Variants in NAV2 observed in about 807,000 individuals in gnomAD.
NAV2 encodes helicase, APC down-regulated 1.
In NAV2, 54 loss-of-function variants were observed where a neutral mutation model predicts 223.2. The observed-to-expected ratio is 0.24, with a 90% CI of 0.19 to 0.30. The LOEUF is 0.30. NAV2 is among the 10% of genes least tolerant of loss of function. The pLI, the probability that NAV2 is intolerant of heterozygous loss-of-function variation, is 1.00. For synonymous variants in NAV2, 1,279 were observed against 1,239.3 expected (o/e 1.03, Z -0.67); for missense variants, 2,806 against 3,147.5 (o/e 0.89, Z 2.60).
At chr11:19,622,895 G>C (rs925067040) in intron 1 of NAV2, among the ~76,000 whole-genome samples, 8 of 152,160 alleles carry the variant, frequency 5.3e-5, no homozygotes, top group Admixed American at 1.3e-4. Context: ...TTTTGCAGTG[G>C]TGGGTACCGG....
At chr11:20,082,471 G>A in intron 25 of NAV2, 2 of 940,862 alleles carry the variant, frequency 2.1e-6, no homozygotes, top group Admixed American at 1.7e-5. Flanking sequence ...TGTGTGTGGT[G>A]TTTATTATTA....
chr11:19,357,777 C>G (rs960899845), intron 1 of NAV2, among the ~76,000 whole-genome samples: 1 of 152,186 alleles, frequency 6.6e-6, no homozygotes, highest in African/African-American at 2.4e-5. Flanking sequence ...CTTTATGTAG[C>G]AATCCTGTAA....
At chr11:19,535,203 A>G (rs2044148939) in intron 1 of NAV2, among the ~76,000 whole-genome samples, 1 of 152,210 alleles carries the variant, frequency 6.6e-6, no homozygotes, top group African/African-American at 2.4e-5. Context: ...CAGGGAAAAC[A>G]GGAAGCTGCT....
At chr11:19,733,363 G>A (rs1438615354) in intron 1 of NAV2, among the ~76,000 whole-genome samples, 4 of 152,214 alleles carry the variant, frequency 2.6e-5, no homozygotes, top group Admixed American at 6.5e-5. Context: ...CACATGGCTG[G>A]TAAATGATAG....
intron 1 of NAV2, among the ~76,000 whole-genome samples, chr11:19,555,006 G>C (rs1469532271): frequency 2.8e-5 from 1 of 35,162 alleles, no homozygotes; most frequent in Admixed American, 4.7e-4. Context: ...TACATACCAT[G>C]TTTTGCAAAA....
chr11:20,095,909 G>A, intron 30 of NAV2, 142 bp downstream of exon 30: 1 of 696,320 alleles, frequency 1.4e-6, no homozygotes, highest in South Asian at 1.7e-5. Context: ...GCTGGAACTT[G>A]TTCCCTGGCT....
chr11:19,728,225 A>G (rs1305562432), intron 1 of NAV2, among the ~76,000 whole-genome samples: 1 of 152,238 alleles, frequency 6.6e-6, no homozygotes, highest in Admixed American at 6.5e-5. Context: ...CTGAAAGAGC[A>G]CTGTTCTTAG....
intron 1 of NAV2, chr11:19,504,851 A>G (rs2134180205): frequency 6.6e-6 from 1 of 152,352 alleles, no homozygotes; most frequent in Non-Finnish European, 1.5e-5. Flanking sequence ...TAAGAATGTT[A>G]TTTGTAAAAC....
intron 1 of NAV2, among the ~76,000 whole-genome samples, chr11:19,499,444 G>C (rs969315826): frequency 6.6e-6 from 1 of 152,212 alleles, no homozygotes; most frequent in African/African-American, 2.4e-5. Flanking sequence ...ATAGTCAAAG[G>C]GAGAAATGTT....
chr11:19,517,096 GA>G (rs2043480858), intron 1 of NAV2, among the ~76,000 whole-genome samples: 1 of 152,056 alleles, frequency 6.6e-6, no homozygotes, highest in African/African-American at 2.4e-5. Context: ...GAAGAGAAAG[GA>G]TGTGGATTGG....
At position 19,568,405 on chromosome 11, in the gene NAV2, C is replaced by A. The variant is rs554606738; in HGVS notation, c.75+217378C>A. The stretch of plus-strand genomic sequence containing the variant: ...TGTGAAGCCTGGGAGGATTCACACT[C>A]GAGGAAGGACATGGAGCAGGCAGAG... On this transcript the variant is annotated intron_variant, in intron 1 of 37. Transcript: ENST00000360655. Among the ~76,000 whole-genome samples, 10 of 152,304 alleles carry A rather than the reference C, an allele frequency of 6.6e-5. No homozygotes were observed. The East Asian group carries it at 1.7e-3, about 26-fold the overall frequency.
chr11:19,956,377 C>T (rs1184008818), intron 10 of NAV2, among the ~76,000 whole-genome samples: 1 of 150,468 alleles, frequency 6.6e-6, no homozygotes, highest in Admixed American at 6.6e-5. Flanking sequence ...CACACACACA[C>T]ACACACACAC....
intron 6 of NAV2, among the ~76,000 whole-genome samples, chr11:19,927,899 T>G (rs2153233752): frequency 6.6e-6 from 1 of 152,322 alleles, no homozygotes; most frequent in Non-Finnish European, 1.5e-5. Flanking sequence ...GGTCAAAAAT[T>G]GTCACAGCTA....
At chr11:19,576,267 C>A (rs1370041496) in intron 1 of NAV2, among the ~76,000 whole-genome samples, 1 of 152,200 alleles carries the variant, frequency 6.6e-6, no homozygotes, top group African/African-American at 2.4e-5. Flanking sequence ...GATGCAAAAA[C>A]CTGTTTTCAA....
chr11:19,706,806 A>C (rs1038526595), intron 1 of NAV2, among the ~76,000 whole-genome samples: 26 of 152,218 alleles, frequency 1.7e-4, no homozygotes, highest in Non-Finnish European at 2.2e-4. Context: ...ATATGTTCTG[A>C]GAAATGAGTC....
intron 11 of NAV2, among the ~76,000 whole-genome samples, chr11:20,033,839 G>A (rs1016322171): frequency 1.4e-4 from 22 of 152,206 alleles, no homozygotes; most frequent in South Asian, 4.1e-4. Context: ...TGTGGCAGAC[G>A]TTCTGTTGGC....
chr11:19,458,130 C>T (rs540874879), intron 1 of NAV2, among the ~76,000 whole-genome samples: 2 of 152,366 alleles, frequency 1.3e-5, no homozygotes, highest in East Asian at 3.9e-4. Flanking sequence ...ACGACTGCAT[C>T]TGGGAAATGG....
At chr11:20,107,587 C>T (rs1305120452) in intron 35 of NAV2, 77 bp from the exon 36 acceptor site, 6 of 1,171,458 alleles carry the variant, frequency 5.1e-6, no homozygotes, top group Non-Finnish European at 7.6e-6. Context: ...GTGAAGGGTG[C>T]TCGGACCATG....
intron 11 of NAV2, among the ~76,000 whole-genome samples, chr11:20,032,080 C>T (rs988041881): frequency 5.9e-5 from 9 of 152,202 alleles, no homozygotes; most frequent in African/African-American, 1.9e-4. Flanking sequence ...TCAAGATGAA[C>T]TTGCCAGTAT....
Sources: gnomAD v4.1 joint callset for allele counts (sites outside exome capture counted in the v4.1 genomes callset) on GRCh38, gnomAD v4.1.1 for gene constraint, MANE v1.5 for transcripts, NCBI Gene and HGNC (gene_info 2026-07-23, HGNC 2026-07-21) for gene names.